Variants in RPGRIP1 observed in about 807,000 individuals in gnomAD.
RPGRIP1 encodes the protein RPGR interacting protein 1.
Under a neutral mutation model 157.9 loss-of-function variants are expected in RPGRIP1, and 128 were observed. The ratio of observed to expected loss-of-function variants is 0.81; its 90% CI spans 0.70 to 0.94. The LOEUF (loss-of-function observed/expected upper bound fraction) is 0.94. Ranked by LOEUF, RPGRIP1 falls within the 40% of genes least tolerant of loss-of-function variation. RPGRIP1 has a pLI of 0.00. For missense variants in RPGRIP1, 1,486 were observed against 1,545.8 expected (o/e 0.96, Z 0.65); for synonymous variants, 554 against 571.6 (o/e 0.97, Z 0.44).
At chr14:21,299,133 A>G (rs1880919953) in intron 3 of RPGRIP1, among the ~76,000 whole-genome samples, 1 of 151,322 alleles carries the variant, frequency 6.6e-6, no homozygotes, top group Admixed American at 6.6e-5. Flanking sequence ...CTCCTGCCTC[A>G]GCCTCCCAAG....
At chr14:21,330,197 A>G (rs1001781283) in intron 19 of RPGRIP1, 52 bp from the exon 20 acceptor site, 3 of 1,360,030 alleles carry the variant, frequency 2.2e-6, no homozygotes, top group East Asian at 2.8e-5. Flanking sequence ...GGAATGAAGA[A>G]AGAAAACCAA....
At chr14:21,346,770 G>A (rs1297233573) in intron 23 of RPGRIP1, among the ~76,000 whole-genome samples, 2 of 152,182 alleles carry the variant, frequency 1.3e-5, no homozygotes, top group Non-Finnish European at 2.9e-5. Context: ...CTCCTGGGCT[G>A]AAGCAGTCCT....
chr14:21,312,720 G>A (rs557986899), intron 10 of RPGRIP1, among the ~76,000 whole-genome samples: 19 of 149,752 alleles, frequency 1.3e-4, no homozygotes, highest in African/African-American at 4.2e-4. Context: ...ATGGAGTCTC[G>A]CTCTGCTGCC....
Position 21,317,977 on chromosome 14 carries a change from A to G in RPGRIP1, c.1306+127A>G, listed in dbSNP as rs1881946672. 3.7e-6 allele frequency: 3 copies of G among 800,214 alleles called. No homozygotes were observed. The East Asian group carries it at 8.0e-5, about 21-fold the overall frequency. The allele number at this position is 800,214 out of a possible 1,614,324, so 49.6% of individuals were successfully genotyped here. On this transcript the variant is annotated intron_variant, in intron 11 of 24. Transcript: ENST00000400017. ...CCTATTCTTTTGTGGGTTGTAGGTAACTAGAATGAGAACACTAGCAATAGA... is the reference window on the plus strand; with the variant it reads ...CCTATTCTTTTGTGGGTTGTAGGTAGCTAGAATGAGAACACTAGCAATAGA...
At chr14:21,301,916 A>G (rs951041405) in intron 4 of RPGRIP1, among the ~76,000 whole-genome samples, 2 of 151,872 alleles carry the variant, frequency 1.3e-5, no homozygotes. Context: ...AAGAAAACTC[A>G]ACGTTGAATC....
At chr14:21,284,737 A>T (rs1218618719) in intron 1 of RPGRIP1, among the ~76,000 whole-genome samples, 1 of 151,916 alleles carries the variant, frequency 6.6e-6, no homozygotes, top group Non-Finnish European at 1.5e-5. Context: ...TGTTTAGTAG[A>T]GACAGGGTTT....
chr14:21,282,553 TC>T (rs1880169170), intron 1 of RPGRIP1, among the ~76,000 whole-genome samples: 1 of 151,086 alleles, frequency 6.6e-6, no homozygotes, highest in Non-Finnish European at 1.5e-5. Flanking sequence ...CTTCAGTCTT[TC>T]ATCCTGTTGA....
At chr14:21,327,288 G>C (rs1232003990) in intron 17 of RPGRIP1, among the ~76,000 whole-genome samples, 7 of 152,128 alleles carry the variant, frequency 4.6e-5, no homozygotes, top group Non-Finnish European at 8.8e-5. Context: ...GTACAACTAA[G>C]GCACAGTAAG....
chr14:21,322,944 T>C (rs1382967010), intron 14 of RPGRIP1, among the ~76,000 whole-genome samples: 1 of 152,154 alleles, frequency 6.6e-6, no homozygotes, highest in Non-Finnish European at 1.5e-5. Flanking sequence ...TTATACCCAG[T>C]GGTGAAAGAT....
chr14:21,292,526 G>T lies in RPGRIP1; in HGVS notation c.86-2151G>T, dbSNP rs183189425. On this transcript the variant is annotated intron_variant, in intron 2 of 24. Coordinates refer to ENST00000400017, the MANE Select transcript of RPGRIP1 (RefSeq NM_020366.4). ...ACTTGAGCCCAGCCTGGGCAACATG[G>T]TGAGACCTTGTCACTATAAAAAATT... is the stretch of plus-strand genomic sequence containing the variant. Among the ~76,000 whole-genome samples, 3 of 152,090 alleles carry T rather than the reference G, an allele frequency of 2.0e-5. No homozygotes were observed. The East Asian group carries it at 5.8e-4, about 29-fold the overall frequency.
In RPGRIP1 at chr14:21,325,014, G is replaced by A. The variant is rs1882916452; in HGVS notation, c.2159G>A (p.Cys720Tyr). The change falls in exon 15 of 25, where the codon TGC becomes TAC. Residue 720 changes from cysteine (C) to tyrosine (Y), a missense_variant. Transcript: ENST00000400017. ...AGCACTCTTGCTGCAGGATGGATTT[G>A]CTTTGACAGGGTGCTAGAGACTGTG... Reference protein sequence around the residue: ...EHSTLAAGWICFDRVLETVEK... With the variant: ...EHSTLAAGWIYFDRVLETVEK... 8 of 1,614,002 alleles carry A rather than the reference G, an allele frequency of 5.0e-6. No homozygotes were observed. Among genetic ancestry groups the A allele is most frequent in the African/African-American group, 2.7e-5 (2 of 75,062 alleles).
At chr14:21,341,829 G>A (rs1266203015) in intron 21 of RPGRIP1, among the ~76,000 whole-genome samples, 1 of 152,052 alleles carries the variant, frequency 6.6e-6, no homozygotes, top group Non-Finnish European at 1.5e-5. Flanking sequence ...GCCGAGGCGG[G>A]TGGATCACGA....
At chr14:21,288,245 A>G (rs1880375724) in intron 2 of RPGRIP1, among the ~76,000 whole-genome samples, 184 bp downstream of exon 2, 1 of 150,484 alleles carries the variant, frequency 6.6e-6, no homozygotes, top group Non-Finnish European at 1.5e-5. Context: ...CAGTGGCACA[A>G]TCTCAGCTCA....
Position 21,335,073 on chromosome 14 carries a change from C to G in RPGRIP1, c.3339+368C>G, listed in dbSNP as rs546961029. Among the ~76,000 whole-genome samples the G allele has an allele frequency of 3.2e-5, 4 of 124,562 alleles. No homozygotes were observed. In the South Asian group the frequency reaches 1.0e-3, roughly 32 times the overall value. 81.7% of individuals were successfully genotyped at this position (124,562 alleles called of 152,430 possible). The stretch of plus-strand genomic sequence containing the variant: ...AAAAAAAAAAAAAAAAAAAAAAAAG[C>G]AATAATGACAGTGTGCTTAGTGGCC... On this transcript the variant is annotated intron_variant, in intron 21 of 24. Coordinates refer to ENST00000400017, the MANE Select transcript of RPGRIP1 (RefSeq NM_020366.4).
Position 21,351,107 on chromosome 14 carries a change from T to A in RPGRIP1, c.3752T>A (p.Val1251Asp). The A allele has an allele frequency of 1.3e-6, 2 of 1,599,042 alleles. No individual in the cohort carries two copies. Among genetic ancestry groups the A allele is most frequent in the Non-Finnish European group, 1.7e-6 (2 of 1,169,502 alleles). ...GTTTTTTTCCCTTTCCCAACAGTTGTTAGCCCTGAAGATCTGGCTACCCCA... is the reference window on the plus strand; with the variant it reads ...GTTTTTTTCCCTTTCCCAACAGTTGATAGCCCTGAAGATCTGGCTACCCCA... Reference protein sequence around the residue: ...RDILEQELDIVSPEDLATPIG... With the variant: ...RDILEQELDIDSPEDLATPIG... The change falls in exon 25 of 25, where the codon GTT becomes GAT. Residue 1251 changes from valine to aspartate, a missense_variant. Val to Asp is a radical substitution (Grantham distance 152). Transcript: ENST00000400017.
At chr14:21,350,375 C>T in intron 24 of RPGRIP1, among the ~76,000 whole-genome samples, 1 of 25,578 alleles carries the variant, frequency 3.9e-5, no homozygotes, top group Non-Finnish European at 7.2e-5. Context: ...GACTCTGTCT[C>T]CAAAAAAAAA....
At chr14:21,285,878 TAAGG>T (rs1406523380) in intron 1 of RPGRIP1, among the ~76,000 whole-genome samples, 3 of 151,906 alleles carry the variant, frequency 2.0e-5, no homozygotes, top group Non-Finnish European at 2.9e-5. Flanking sequence ...CAGGCAGAAA[TAAGG>T]GAGGATGGGA....
intron 4 of RPGRIP1, 121 bp from the exon 5 acceptor site, chr14:21,302,367 C>A: frequency 4.3e-6 from 2 of 464,262 alleles, no homozygotes; most frequent in South Asian, 1.0e-4. Flanking sequence ...GACCATTTGT[C>A]ATACAAGGGT....
intron 22 of RPGRIP1, among the ~76,000 whole-genome samples, chr14:21,343,866 GTTTTTTTTTTTTTTTTTTTTTTTTTTT>G (rs67535379): frequency 0.26 from 12,975 of 50,598 alleles, 898 homozygotes; most frequent in Middle Eastern, 0.44. Context: ...CTCTTTTCCT[GTTTTTTTTTTTTTTTTTTTTTTTTTTT>G]TTTTTTTTTT....
Sources: gnomAD v4.1 joint callset for allele counts (sites outside exome capture counted in the v4.1 genomes callset) on GRCh38, gnomAD v4.1.1 for gene constraint, MANE v1.5 for transcripts, NCBI Gene and HGNC (gene_info 2026-07-23, HGNC 2026-07-21) for gene names.